Variants in PCDHA12 observed in about 807,000 individuals in gnomAD.
PCDHA12 encodes the protein protocadherin alpha 12.
A neutral mutation model predicts 60.0 loss-of-function variants in PCDHA12; 44 were observed. The ratio of observed to expected loss-of-function variants is 0.73; its 90% CI spans 0.58 to 0.94. The LOEUF (loss-of-function observed/expected upper bound fraction) is 0.94. Among genes scored for constraint, PCDHA12 ranks in the 40% least tolerant of loss-of-function variants. PCDHA12 has a pLI of 0.00. For missense variants in PCDHA12, 1,276 were observed against 1,239.7 expected (o/e 1.03, Z -0.44); for synonymous variants, 569 against 553.0 (o/e 1.03, Z -0.40).
chr5:141,009,510 C>T (rs936602953), intron 3 of PCDHA12, 117 bp from the exon 4 acceptor site: 7 of 1,498,300 alleles, frequency 4.7e-6, no homozygotes, highest in Admixed American at 4.7e-5. Flanking sequence ...ACAAACAACT[C>T]GTGATTTTTC....
chr5:140,940,073 A>G (rs1197351000), intron 1 of PCDHA12, among the ~76,000 whole-genome samples: 1 of 152,182 alleles, frequency 6.6e-6, no homozygotes, highest in Non-Finnish European at 1.5e-5. Context: ...AATATGTGAT[A>G]TCTTTCTGCT....
At position 140,982,438 on chromosome 5, in the gene PCDHA12, T is replaced by C. The variant is rs782761318; in HGVS notation, c.2427-37T>C. On this transcript the variant is annotated intron_variant, in intron 2 of 3. Coordinates refer to ENST00000398631, the MANE Select transcript of PCDHA12 (RefSeq NM_018903.4). ...GGAAGAAGAGATGGGAAAGAATTTA[T>C]GATCTAACCGTTATCTGGGTCTGTG... is the stretch of plus-strand genomic sequence containing the variant. The C allele has an allele frequency of 3.1e-6, 5 of 1,611,448 alleles. No individual in the cohort carries two copies. The South Asian group carries it at 5.5e-5, about 18-fold the overall frequency.
At chr5:140,937,020 G>A (rs2091265832) in intron 1 of PCDHA12, among the ~76,000 whole-genome samples, 1 of 151,388 alleles carries the variant, frequency 6.6e-6, no homozygotes. Flanking sequence ...CGATTAACAA[G>A]GTATATTCTT....
Position 140,875,588 on chromosome 5 carries a change from C to T in PCDHA12, c.116C>T (p.Ala39Val). The change falls in exon 1 of 4, where the codon GCC becomes GTC. Residue 39 changes from alanine (A) to valine (V), a missense_variant. Physicochemically the swap from Ala to Val is moderately conservative, Grantham distance 64. Coordinates refer to ENST00000398631, the MANE Select transcript of PCDHA12 (RefSeq NM_018903.4). ...GQLHYSVYEE[A>V]KHGTFVGRIA... ...CTCCACTACTCCGTCTACGAGGAGG[C>T]CAAACACGGCACCTTCGTGGGCCGC... 1 of 1,613,954 alleles carries T rather than the reference C, an allele frequency of 6.2e-7. No homozygotes were observed. Among genetic ancestry groups the T allele is most frequent in the Non-Finnish European group, 8.5e-7 (1 of 1,180,032 alleles).
chr5:140,905,019 A>C (rs1000367022), intron 1 of PCDHA12, among the ~76,000 whole-genome samples: 23 of 152,044 alleles, frequency 1.5e-4, no homozygotes, highest in African/African-American at 5.6e-4. Context: ...ATTCTTTTCT[A>C]TGCAGAAGCT....
intron 1 of PCDHA12, among the ~76,000 whole-genome samples, chr5:140,917,068 G>A (rs2077864221): frequency 6.6e-6 from 1 of 152,066 alleles, no homozygotes; most frequent in African/African-American, 2.4e-5. Flanking sequence ...CGACAGCACC[G>A]AGTTTAATGT....
At position 140,877,021 on chromosome 5, in the gene PCDHA12, G is replaced by A; in HGVS notation, c.1549G>A (p.Val517Met). 1 of 1,612,514 alleles carries A rather than the reference G, an allele frequency of 6.2e-7. No individual in the cohort carries two copies. The highest frequency in any genetic ancestry group is 8.5e-7 in the Non-Finnish European group (1 of 1,179,818). ...GTCGGTGCACGCGGAGAGCGGCAAG[G>A]TGTACGCGCTGCAGCCGCTAGACCA... Reference protein sequence around the residue: ...YVSVHAESGKVYALQPLDHEE... With the variant: ...YVSVHAESGKMYALQPLDHEE... The change falls in exon 1 of 4, where the codon GTG (valine) becomes ATG (methionine). Residue 517 changes from valine (V) to methionine (M), a missense_variant. Val to Met is a conservative substitution (Grantham distance 21). Coordinates refer to ENST00000398631, the MANE Select transcript of PCDHA12 (RefSeq NM_018903.4).
In PCDHA12 at chr5:140,884,578, G is replaced by A. The variant is rs1554181757; in HGVS notation, c.2367+6739G>A. 6 of 1,614,104 alleles carry A rather than the reference G, an allele frequency of 3.7e-6. No homozygotes were observed. In the South Asian group the frequency reaches 4.4e-5, roughly 12 times the overall value. On this transcript the variant is annotated intron_variant, in intron 1 of 3. Transcript: ENST00000398631. ...AGGGCCCGCATAAGACGGACCTCAT[G>A]GCCTTCAGTCCCAGCCTTCCTCCTT...
At chr5:140,928,669 A>C in intron 1 of PCDHA12, 1 of 1,614,160 alleles carries the variant, frequency 6.2e-7, no homozygotes, top group Non-Finnish European at 8.5e-7. Flanking sequence ...CAGTGGTTCT[A>C]ATGCCTGGCT....
At chr5:141,003,762 G>A (rs1295345972) in intron 3 of PCDHA12, among the ~76,000 whole-genome samples, 1 of 152,146 alleles carries the variant, frequency 6.6e-6, no homozygotes, top group East Asian at 1.9e-4. Flanking sequence ...AATTATGGTC[G>A]TATTCTGTTA....
At chr5:140,945,790 T>C (rs1340396620) in intron 1 of PCDHA12, among the ~76,000 whole-genome samples, 2 of 152,010 alleles carry the variant, frequency 1.3e-5, no homozygotes, top group South Asian at 2.1e-4. Context: ...TGCAGAAAAA[T>C]GAAACTAGAC....
In PCDHA12 at chr5:140,927,786, A is replaced by G. The variant is rs782728309; in HGVS notation, c.2367+49947A>G. 11 of 1,614,074 alleles carry G rather than the reference A, an allele frequency of 6.8e-6. No homozygotes were observed. The East Asian group carries it at 2.0e-4, about 29-fold the overall frequency. On this transcript the variant is annotated intron_variant, in intron 1 of 3. Transcript: ENST00000398631. ...GTGGGGAGGTGCAAGTAGCTGCTTC[A>G]CTAGGTCCGCCTGAAACGCTCTTGG...
intron 1 of PCDHA12, among the ~76,000 whole-genome samples, chr5:140,974,660 C>T (rs529524485): frequency 2.6e-5 from 4 of 152,116 alleles, no homozygotes; most frequent in South Asian, 2.1e-4. Flanking sequence ...TACAGGCATG[C>T]GCCACCATGC....
intron 1 of PCDHA12, among the ~76,000 whole-genome samples, chr5:140,938,203 C>T (rs1181415730): frequency 6.6e-6 from 1 of 152,146 alleles, no homozygotes; most frequent in Non-Finnish European, 1.5e-5. Flanking sequence ...ACGCCAGCCT[C>T]CCAAAGTGCT....
At chr5:140,940,110 T>C (rs2092554073) in intron 1 of PCDHA12, among the ~76,000 whole-genome samples, 1 of 152,240 alleles carries the variant, frequency 6.6e-6, no homozygotes, top group Admixed American at 6.5e-5. Context: ...CGTTATGTAT[T>C]ATTTACCTCT....
At chr5:140,968,612 C>A (rs782101758) in intron 1 of PCDHA12, 2 of 1,614,204 alleles carry the variant, frequency 1.2e-6, no homozygotes, top group East Asian at 2.2e-5. Flanking sequence ...AGACTCTGGG[C>A]AAAATGCTTG....
chr5:140,926,180 C>A (rs1341994925), intron 1 of PCDHA12, among the ~76,000 whole-genome samples: 1 of 151,710 alleles, frequency 6.6e-6, no homozygotes, highest in Admixed American at 6.6e-5. Flanking sequence ...CGCGGAAAGC[C>A]CCCCGCAGCA....
At chr5:140,886,507 G>A (rs2061007189) in intron 1 of PCDHA12, among the ~76,000 whole-genome samples, 1 of 151,788 alleles carries the variant, frequency 6.6e-6, no homozygotes, top group South Asian at 2.1e-4. Context: ...TCCTTTTATG[G>A]ATTTTAAGGT....
intron 1 of PCDHA12, among the ~76,000 whole-genome samples, chr5:140,915,232 C>A (rs1554196813): frequency 1.3e-5 from 2 of 152,274 alleles, no homozygotes; most frequent in Admixed American, 6.5e-5. Flanking sequence ...CAGGCATGAG[C>A]CACCATGCCT....
Sources: gnomAD v4.1 joint callset for allele counts (sites outside exome capture counted in the v4.1 genomes callset) on GRCh38, gnomAD v4.1.1 for gene constraint, MANE v1.5 for transcripts, NCBI Gene and HGNC (gene_info 2026-07-23, HGNC 2026-07-21) for gene names.